The following RTEL1 variants were observed in gnomAD, a reference collection of about 807,000 sequenced individuals.
RTEL1 encodes the protein regulator of telomere length.
In RTEL1, 86 loss-of-function variants were observed where a neutral mutation model predicts 162.2. The observed-to-expected ratio is 0.53, with a 90% CI of 0.45 to 0.63. The LOEUF is 0.63. Ranked by LOEUF, RTEL1 falls within the 30% of genes least tolerant of loss-of-function variation. The probability of loss-of-function intolerance (pLI) is 0.00; values close to 1 mark genes in which losing one functional copy is unlikely to be tolerated. For synonymous variants in RTEL1, 958 were observed against 717.9 expected (o/e 1.33, Z -5.35); for missense variants, 1,941 against 1,750.2 (o/e 1.11, Z -1.95).
chr20:63,671,875 GGTTTTGTTTT>G (rs916206099), intron 8 of RTEL1, among the ~76,000 whole-genome samples: 6 of 151,930 alleles, frequency 3.9e-5, no homozygotes, highest in African/African-American at 1.5e-4. Flanking sequence ...CTGGGAGTTG[GGTTTTGTTTT>G]GTTTTGTTTT....
At chr20:63,693,088 C>T (rs1406925689) in intron 29 of RTEL1, 55 bp from the exon 30 acceptor site, 14 of 1,611,140 alleles carry the variant, frequency 8.7e-6, no homozygotes, top group African/African-American at 2.7e-5. Context: ...CCAAGGTGGT[C>T]TCTGTTCTCT....
chr20:63,658,781 G>A (rs2089961278), intron 1 of RTEL1: 1 of 157,276 alleles, frequency 6.4e-6, no homozygotes, highest in Admixed American at 6.0e-5. Context: ...GGCTGCACGG[G>A]TTGGCATCCC....
intron 10 of RTEL1, among the ~76,000 whole-genome samples, chr20:63,677,521 G>A (rs1006743849): frequency 5.3e-5 from 8 of 152,192 alleles, no homozygotes; most frequent in South Asian, 2.1e-4. Context: ...AGACAGACAC[G>A]AGAATTGCTT....
At chr20:63,666,119 T>C in intron 7 of RTEL1, 40 bp downstream of exon 7, 1 of 1,531,826 alleles carries the variant, frequency 6.5e-7, no homozygotes, top group Non-Finnish European at 9.0e-7. Flanking sequence ...TGTCCTTCCA[T>C]GGCCCAGCTC....
chr20:63,689,245 C>T (rs1177479794), intron 22 of RTEL1, 113 bp downstream of exon 22: 2 of 1,095,064 alleles, frequency 1.8e-6, no homozygotes, highest in African/African-American at 1.6e-5. Context: ...TCCTTGGGTC[C>T]CACGAGAGCG....
At chr20:63,667,600 T>TCA in intron 8 of RTEL1, 47 bp downstream of exon 8, 1 of 1,462,652 alleles carries the variant, frequency 6.8e-7, no homozygotes, top group South Asian at 1.1e-5. Context: ...TCCAGGGGTG[T>TCA]CCCTGGGCTT....
At chr20:63,684,278 G>C (rs1046311645) in intron 14 of RTEL1, among the ~76,000 whole-genome samples, 5 of 152,164 alleles carry the variant, frequency 3.3e-5, no homozygotes, top group African/African-American at 1.2e-4. Flanking sequence ...ACTCCACTGG[G>C]CACCTGCCAC....
rs1454150484 is a variant in RTEL1, at chr20:63,672,611, C to T, written c.755C>T (p.Ala252Val). 2 of 1,583,830 alleles carry T rather than the reference C, an allele frequency of 1.3e-6. No homozygotes were observed. Among genetic ancestry groups the T allele is most frequent in the African/African-American group, 1.3e-5 (1 of 74,608 alleles). Residue 252 changes from alanine (A) to valine (V), a missense_variant, in exon 9 of 35, where the codon GCT becomes GTT. By Grantham distance (64) the Ala-to-Val change is moderately conservative. Transcript: ENST00000360203. ...GGGACAGTCGTGATCTTTGACGAAG[C>T]TCACAACGTGGTGAGTCTCCGCTGG... ...LKGTVVIFDE[A>V]HNVEKMCEES...
In RTEL1 at chr20:63,691,759, C is replaced by G. The variant is rs2145439077; in HGVS notation, c.2574C>G (p.Thr858=). Residue 858 remains threonine (T), a synonymous_variant, in exon 28 of 35, where the codon ACC becomes ACG. Transcript: ENST00000360203. ...PGEEQAHSCS[T]LSLLSEKRPA... is the part of the protein sequence containing the mutation. ...CTCCTCAGGCCCACAGCTGCTCCAC[C>G]CTGTCCCTCCTGTCTGAGAAGAGGC... 1 of 1,612,454 alleles carries G rather than the reference C, an allele frequency of 6.2e-7. No individual in the cohort carries two copies. The highest frequency in any genetic ancestry group is 8.5e-7 in the Non-Finnish European group (1 of 1,179,810).
In RTEL1 at chr20:63,689,062, G is replaced by T; in HGVS notation, c.1808G>T (p.Ser603Ile). The change falls in exon 22 of 35, where the codon AGT becomes ATT. Residue 603 changes from serine to isoleucine, a missense_variant. By Grantham distance (142) the Ser-to-Ile change is moderately radical (BLOSUM62 -2). Coordinates refer to ENST00000360203, the MANE Select transcript of RTEL1 (RefSeq NM_001283009.2). ...RSKGSFSETI[S>I]AYYARVAAPG... ...CACCAACTTTCCTTCCAGACCATCA[G>T]TGCTTACTATGCAAGGGTTGCCGCC... The T allele has an allele frequency of 6.2e-7, 1 of 1,611,046 alleles. No homozygotes were observed.
At position 63,693,019 on chromosome 20, in the gene RTEL1, G is replaced by T. The variant is rs757293061; in HGVS notation, c.2851+16G>T. ...CTGCTCCAAGGTGCCCTGGCTTGCA[G>T]AGGCCACCCACCCTGAGGGCAGTGC... On this transcript the variant is annotated intron_variant, in intron 29 of 34. Transcript: ENST00000360203. 1.5e-5 allele frequency: 24 copies of T among 1,612,064 alleles called. No homozygotes were observed. Among genetic ancestry groups the T allele is most frequent in the Non-Finnish European group, 1.9e-5 (23 of 1,179,508 alleles).
At position 63,693,291 on chromosome 20, in the gene RTEL1, G is replaced by T. The variant is rs1236751268; in HGVS notation, c.2992+8G>T. The T allele has an allele frequency of 1.2e-6, 2 of 1,611,230 alleles. No homozygotes were observed. Among genetic ancestry groups the T allele is most frequent in the Non-Finnish European group, 1.7e-6 (2 of 1,179,286 alleles). Reference sequence around the variant, plus strand: ...CGGTCCTGGACCCCACTGGTAAATGGGGCCCCAGGTGGGACCCTCAGACTC... The same window carrying T: ...CGGTCCTGGACCCCACTGGTAAATGTGGCCCCAGGTGGGACCCTCAGACTC... On this transcript the variant is annotated splice_region_variant and intron_variant, in intron 30 of 34. Coordinates refer to ENST00000360203, the MANE Select transcript of RTEL1 (RefSeq NM_001283009.2).
At position 63,672,592 on chromosome 20, in the gene RTEL1, G is replaced by A. The variant is rs1265538112; in HGVS notation, c.736G>A (p.Val246Ile). ...RAHNIDLKGT[V>I]VIFDEAHNVE... ...ACACAACATTGACCTGAAGGGGACA[G>A]TCGTGATCTTTGACGAAGCTCACAA... The change falls in exon 9 of 35, where the codon GTC (valine) becomes ATC (isoleucine). Residue 246 changes from valine (V) to isoleucine (I), a missense_variant. By Grantham distance (29) the Val-to-Ile change is conservative. Coordinates refer to ENST00000360203, the MANE Select transcript of RTEL1 (RefSeq NM_001283009.2). 1.3e-6 allele frequency: 2 copies of A among 1,587,984 alleles called. No homozygotes were observed. The highest frequency in any genetic ancestry group is 1.7e-6 in the Non-Finnish European group (2 of 1,165,140).
At chr20:63,678,372 C>CA in intron 12 of RTEL1, 26 bp downstream of exon 12, 1 of 1,593,574 alleles carries the variant, frequency 6.3e-7, no homozygotes, top group Non-Finnish European at 8.5e-7. Flanking sequence ...CCAGCCCCTT[C>CA]ACTGCAGGCC....
chr20:63,685,854 A>G lies in RTEL1; in HGVS notation c.1330A>G (p.Thr444Ala), dbSNP rs1390047964. The G allele has an allele frequency of 3.1e-6, 5 of 1,612,598 alleles. No homozygotes were observed. The highest frequency in any genetic ancestry group is 4.2e-6 in the Non-Finnish European group (5 of 1,179,882). ...TCAGCGGTCTGATGCCTGGAGCACC[A>G]CTGCAGCCAGAAAGCGAGGTACAGA... ...TAQRSDAWST[T>A]AARKRGKVLS... The change falls in exon 16 of 35, where the codon ACT becomes GCT. Residue 444 changes from threonine (T) to alanine (A), a missense_variant. By Grantham distance (58) the Thr-to-Ala change is moderately conservative (BLOSUM62 0). Coordinates refer to ENST00000360203, the MANE Select transcript of RTEL1 (RefSeq NM_001283009.2).
At chr20:63,683,836 T>G (rs1425649206) in intron 14 of RTEL1, among the ~76,000 whole-genome samples, 1 of 79,582 alleles carries the variant, frequency 1.3e-5, no homozygotes, top group Non-Finnish European at 2.6e-5. Context: ...ATTTGCAGGG[T>G]TCTCTGTAAG....
chr20:63,681,489 G>C (rs1034674155), intron 14 of RTEL1: 101 of 985,182 alleles, frequency 1.0e-4, no homozygotes, highest in Non-Finnish European at 1.2e-4. Flanking sequence ...GATCATGGCA[G>C]GGTTAGGCAG....
At chr20:63,663,035 G>A (rs1290576996) in intron 6 of RTEL1, 146 bp downstream of exon 6, 1 of 755,594 alleles carries the variant, frequency 1.3e-6, no homozygotes, top group Non-Finnish European at 2.3e-6. Flanking sequence ...CTGACTCGGG[G>A]CCACCCATGT....
chr20:63,679,588 G>A (rs572958755), intron 12 of RTEL1, among the ~76,000 whole-genome samples: 101 of 152,230 alleles, frequency 6.6e-4, no homozygotes, highest in Non-Finnish European at 1.1e-3. Flanking sequence ...TGAGGGCGGA[G>A]GCCTCTCACC....
Sources: allele counts gnomAD v4.1 joint callset (sites outside exome capture counted in the v4.1 genomes callset), GRCh38; gene constraint gnomAD v4.1.1; transcripts MANE v1.5; gene names NCBI Gene and HGNC (gene_info 2026-07-23, HGNC 2026-07-21).